Variants in COP1 observed in about 807,000 individuals in gnomAD.
COP1 encodes the protein E3 ubiquitin-protein ligase COP1.
A neutral mutation model predicts 101.3 loss-of-function variants in COP1; 24 were observed. The observed-to-expected ratio is 0.24, with a 90% CI of 0.17 to 0.33. The LOEUF (loss-of-function observed/expected upper bound fraction) is 0.33. Among genes scored for constraint, COP1 ranks in the 10% least tolerant of loss-of-function variants. COP1 has a pLI of 1.00. For missense variants in COP1, 663 were observed against 906.2 expected (o/e 0.73, Z 3.45); for synonymous variants, 347 against 341.9 (o/e 1.01, Z -0.17).
chr1:176,046,161 C>T lies in COP1; in HGVS notation c.1421+20G>A, dbSNP rs770020824. ...TTGTTACATCTATACTGCATCATGT[C>T]AAGAAAATAATGTAAATACCTGATT... On this transcript the variant is annotated intron_variant, in intron 12 of 19. Transcript: ENST00000367669. 8.8e-6 allele frequency: 14 copies of T among 1,585,770 alleles called. No homozygotes were observed. The highest frequency in any genetic ancestry group is 3.5e-5 in the South Asian group (3 of 86,880).
chr1:176,086,726 C>G (rs1680243365), intron 9 of COP1, among the ~76,000 whole-genome samples: 1 of 152,108 alleles, frequency 6.6e-6, no homozygotes, highest in Non-Finnish European at 1.5e-5. Flanking sequence ...ATCAAGCTAC[C>G]AATGACTTTC....
chr1:176,081,543 T>A (rs899227615), intron 10 of COP1, among the ~76,000 whole-genome samples: 61 of 151,838 alleles, frequency 4.0e-4, no homozygotes, highest in Admixed American at 9.8e-4. Flanking sequence ...GGAAAAAAAA[T>A]AATAACAATA....
intron 18 of COP1, among the ~76,000 whole-genome samples, chr1:175,953,084 C>G (rs1371146947): frequency 6.6e-6 from 1 of 151,988 alleles, no homozygotes; most frequent in Non-Finnish European, 1.5e-5. Flanking sequence ...AGTAAATATA[C>G]ATGACAACAA....
intron 5 of COP1, among the ~76,000 whole-genome samples, chr1:176,151,185 T>C (rs1692372910): frequency 6.6e-6 from 1 of 150,456 alleles, no homozygotes; most frequent in Non-Finnish European, 1.5e-5. Context: ...TTTAGCCCAA[T>C]TCTCCCATTT....
At chr1:176,068,829 A>G (rs1265638860) in intron 11 of COP1, among the ~76,000 whole-genome samples, 2 of 152,224 alleles carry the variant, frequency 1.3e-5, no homozygotes, top group Non-Finnish European at 2.9e-5. Context: ...TCCAGAGGAA[A>G]TGCAAAATGC....
At chr1:176,195,209 A>C (rs569895988) in intron 1 of COP1, among the ~76,000 whole-genome samples, 1 of 152,098 alleles carries the variant, frequency 6.6e-6, no homozygotes, top group Non-Finnish European at 1.5e-5. Context: ...TGAAGAGGCT[A>C]TATTAACATC....
At chr1:176,110,055 T>C (rs1410483819) in intron 9 of COP1, among the ~76,000 whole-genome samples, 1 of 151,888 alleles carries the variant, frequency 6.6e-6, no homozygotes, top group Non-Finnish European at 1.5e-5. Flanking sequence ...CTCAGAGGAG[T>C]CTTCATTTAC....
intron 18 of COP1, among the ~76,000 whole-genome samples, chr1:175,971,220 G>A (rs1349703776): frequency 2.0e-5 from 3 of 152,138 alleles, no homozygotes; most frequent in Non-Finnish European, 4.4e-5. Context: ...AGGGTATTTT[G>A]TAGTAACTTT....
chr1:176,197,599 TAAAAG>T (rs1007973988), intron 1 of COP1, among the ~76,000 whole-genome samples: 5 of 152,106 alleles, frequency 3.3e-5, no homozygotes, highest in Non-Finnish European at 5.9e-5. Flanking sequence ...AGAAAAAAAT[TAAAAG>T]AAATTCACAG....
Position 175,944,842 on chromosome 1 carries a change from A to T in COP1, c.*311T>A, listed in dbSNP as rs535677555. On this transcript the variant is annotated 3_prime_UTR_variant, in exon 20 of 20. Coordinates refer to ENST00000367669, the MANE Select transcript of COP1 (RefSeq NM_022457.7). ...TTTCCAAGCTCAACTGTGGCTCAAT[A>T]AACTTTTATTGTTTTGTTATTTATT... 5.8e-6 allele frequency: 2 copies of T among 347,164 alleles called. No individual in the cohort carries two copies. The highest frequency in any genetic ancestry group is 1.3e-4 in the South Asian group (2 of 15,294). The allele number at this position is 347,164 out of a possible 1,614,324, so 21.5% of individuals were successfully genotyped here. A position where few individuals can be genotyped will look rare whatever the true frequency, so the allele number is the denominator to read the frequency against.
chr1:176,045,963 A>C (rs1289028470), intron 12 of COP1, among the ~76,000 whole-genome samples: 1 of 151,620 alleles, frequency 6.6e-6, no homozygotes, highest in Non-Finnish European at 1.5e-5. Flanking sequence ...TTAATTTGGC[A>C]ACCAGAAAAA....
chr1:176,023,333 A>G (rs1385107036), intron 15 of COP1, among the ~76,000 whole-genome samples: 4 of 152,236 alleles, frequency 2.6e-5, no homozygotes, highest in African/African-American at 9.6e-5. Flanking sequence ...AACTAGGTAC[A>G]TTACTATTGA....
intron 11 of COP1, among the ~76,000 whole-genome samples, chr1:176,047,094 A>C (rs963903986): frequency 6.6e-6 from 1 of 152,190 alleles, no homozygotes; most frequent in Admixed American, 6.6e-5. Context: ...GCCTAAACAC[A>C]GTTGTTACAT....
chr1:176,170,206 C>A (rs1345819893), intron 3 of COP1, among the ~76,000 whole-genome samples: 3 of 152,202 alleles, frequency 2.0e-5, no homozygotes, highest in African/African-American at 4.8e-5. Context: ...AATCAACTTC[C>A]ACCAAACTCC....
At chr1:176,163,071 C>T (rs189022696) in intron 4 of COP1, 83 bp from the exon 5 acceptor site, 72 of 1,359,148 alleles carry the variant, frequency 5.3e-5, no homozygotes, top group East Asian at 5.3e-4. Flanking sequence ...TTGCTACTTC[C>T]TAATATGCTC....
chr1:176,079,504 T>C (rs912245852), intron 11 of COP1, among the ~76,000 whole-genome samples: 2 of 148,600 alleles, frequency 1.3e-5, no homozygotes, highest in African/African-American at 5.0e-5. Flanking sequence ...AGGGCAGGGG[T>C]CGTGGGCTTA....
At chr1:175,994,395 T>C (rs1404693833) in intron 15 of COP1, among the ~76,000 whole-genome samples, 1 of 152,096 alleles carries the variant, frequency 6.6e-6, no homozygotes, top group Non-Finnish European at 1.5e-5. Context: ...CACATAACAA[T>C]ATTAACTTTA....
At chr1:175,998,080 AAAAAAAAAAAG>A (rs1483353255) in intron 15 of COP1, among the ~76,000 whole-genome samples, 20 of 146,108 alleles carry the variant, frequency 1.4e-4, no homozygotes, top group Non-Finnish European at 2.1e-4. Flanking sequence ...AAAAAAAAAA[AAAAAAAAAAAG>A]AAAATGTGGC....
At position 176,112,165 on chromosome 1, in the gene COP1, A is replaced by C. The variant is rs148267654; in HGVS notation, c.1026+4459T>G. Among the ~76,000 whole-genome samples the C allele has an allele frequency of 2.6e-3, 394 of 149,508 alleles. 3 individuals are homozygous for C. The highest frequency in any genetic ancestry group is 9.2e-3 in the African/African-American group (376 of 40,936). On this transcript the variant is annotated intron_variant, in intron 9 of 19. Coordinates refer to ENST00000367669, the MANE Select transcript of COP1 (RefSeq NM_022457.7). ...TATTTACGTACTGTCTCAGTGCACT[A>C]TCTCAAACCAAAAGTCTCCTTCACC...
Sources: gnomAD v4.1 joint callset for allele counts (sites outside exome capture counted in the v4.1 genomes callset) on GRCh38, gnomAD v4.1.1 for gene constraint, MANE v1.5 for transcripts, NCBI Gene and HGNC (gene_info 2026-07-23, HGNC 2026-07-21) for gene names.